Variants in AOX1 observed in about 807,000 individuals in gnomAD.
AOX1 encodes the protein aldehyde oxidase 1, also known as aldehyde oxidase.
In AOX1, 153 loss-of-function variants were observed where a neutral mutation model predicts 169.5. The observed-to-expected ratio is 0.90, with a 90% CI of 0.79 to 1.03. The LOEUF is 1.03. Among genes scored for constraint, AOX1 ranks in the 50% least tolerant of loss-of-function variants. The pLI, the probability that AOX1 is intolerant of heterozygous loss-of-function variation, is 0.00. For synonymous variants in AOX1, 562 were observed against 581.9 expected (o/e 0.97, Z 0.49); for missense variants, 1,656 against 1,663.9 (o/e 1.00, Z 0.08).
Position 200,604,716 on chromosome 2 carries a change from G to T in AOX1, c.690G>T (p.Ser230=), listed in dbSNP as rs61695335. The T allele has an allele frequency of 2.5e-6, 4 of 1,614,048 alleles. No individual in the cohort carries two copies. The highest frequency in any genetic ancestry group is 3.3e-4 in the Middle Eastern group (2 of 6,056). Residue 230 remains serine, a synonymous_variant, in exon 9 of 35, where the codon TCG becomes TCT. Coordinates refer to ENST00000374700, the MANE Select transcript of AOX1 (RefSeq NM_001159.4). ...AATAGATAATGGCTGAGAAACAGTC[G>T]CAAAGGACCAGGGTGTTTGGCAGTG... The part of the protein sequence containing the change: ...PELMIMAEKQ[S]QRTRVFGSER...
chr2:200,595,886 A>C (rs1276001836), intron 3 of AOX1, among the ~76,000 whole-genome samples: 1 of 152,182 alleles, frequency 6.6e-6, no homozygotes, highest in African/African-American at 2.4e-5. Flanking sequence ...ACCTGCTTTA[A>C]TTATCATCAG....
At chr2:200,593,300 T>G in intron 2 of AOX1, 97 bp downstream of exon 2, 1 of 973,486 alleles carries the variant, frequency 1.0e-6, no homozygotes, top group East Asian at 2.4e-5. Flanking sequence ...TTAGAGACAC[T>G]GAGACATATT....
Position 200,620,930 on chromosome 2 carries a change from A to G in AOX1, c.1874+111A>G, listed in dbSNP as rs1035603753. 3.0e-5 allele frequency: 40 copies of G among 1,340,074 alleles called. No individual in the cohort carries two copies. The African/African-American group carries it at 3.6e-4, about 12-fold the overall frequency. 83.0% of individuals were successfully genotyped at this position (1,340,074 alleles called of 1,614,324 possible). On this transcript the variant is annotated intron_variant, in intron 17 of 34. Coordinates refer to ENST00000374700, the MANE Select transcript of AOX1 (RefSeq NM_001159.4). ...ATAGGCTATTTGTTGGTGATATCCA[A>G]TGCAGACCAGAGGTGAAACAGGATC...
At chr2:200,663,572 A>ACACACACACT (rs1286010281) in intron 31 of AOX1, among the ~76,000 whole-genome samples, 36 of 105,146 alleles carry the variant, frequency 3.4e-4, no homozygotes, top group African/African-American at 1.3e-3. Context: ...ACACACACAC[A>ACACACACACT]CTCTCTCTCT....
chr2:200,659,128 C>G lies in AOX1; in HGVS notation c.3172-37C>G, dbSNP rs147149635. 3,397 of 1,606,926 alleles carry G rather than the reference C, an allele frequency of 2.1e-3. 7 individuals are homozygous for G. Among genetic ancestry groups the G allele is most frequent in the Non-Finnish European group, 2.5e-3 (2,887 of 1,176,130 alleles). The stretch of plus-strand genomic sequence containing the variant: ...GCATGTGCACAGGTCTGTGACTAAT[C>G]AAAGTGTTTAAAAGGAAACTCTCTC... On this transcript the variant is annotated intron_variant, in intron 27 of 34. Coordinates refer to ENST00000374700, the MANE Select transcript of AOX1 (RefSeq NM_001159.4).
rs773335513 is a variant in AOX1 at position 200,659,240 on chromosome 2, G to A, written c.3247G>A (p.Ala1083Thr). ...AACAAGCACAGAAACTGTCCCTAAT[G>A]CAAATATCTCTGGAGGTTCTGTGGT... Reference protein sequence around the residue: ...RGTSTETVPNANISGGSVVAD... With the variant: ...RGTSTETVPNTNISGGSVVAD... Residue 1083 changes from alanine (A) to threonine (T), a missense_variant, in exon 28 of 35, where the codon GCA (alanine) becomes ACA (threonine). Transcript: ENST00000374700. 5.6e-6 allele frequency: 9 copies of A among 1,613,978 alleles called. No homozygotes were observed. Among genetic ancestry groups the A allele is most frequent in the Non-Finnish European group, 7.6e-6 (9 of 1,179,900 alleles).
At chr2:200,677,709 G>T (rs2036119597), downstream of AOX1, among the ~76,000 whole-genome samples, 1 of 152,142 alleles carries the variant, frequency 6.6e-6, no homozygotes. Flanking sequence ...ACTTTGCTCC[G>T]AGTGCTTGAG....
intron 26 of AOX1, among the ~76,000 whole-genome samples, chr2:200,653,794 C>G (rs567981166): frequency 2.3e-4 from 35 of 152,364 alleles, no homozygotes; most frequent in African/African-American, 8.2e-4. Context: ...ATTTTTCCAA[C>G]AGTATGTGCT....
At chr2:200,607,817 G>A (rs1198910954) in intron 10 of AOX1, among the ~76,000 whole-genome samples, 2 of 152,172 alleles carry the variant, frequency 1.3e-5, no homozygotes, top group Non-Finnish European at 2.9e-5. Context: ...GTCCTTTGCA[G>A]GGACATGGAT....
chr2:200,648,422 C>G (rs1028732384), intron 25 of AOX1, among the ~76,000 whole-genome samples: 1 of 152,222 alleles, frequency 6.6e-6, no homozygotes, highest in Non-Finnish European at 1.5e-5. Flanking sequence ...GTTGTCTGCA[C>G]AGAGTCCTGT....
chr2:200,660,029 C>T lies in AOX1; in HGVS notation c.3335C>T (p.Pro1112Leu). 1 of 1,613,860 alleles carries T rather than the reference C, an allele frequency of 6.2e-7. No homozygotes were observed. The change falls in exon 29 of 35, where the codon CCC becomes CTC. Residue 1112 changes from proline (P) to leucine (L), a missense_variant. Coordinates refer to ENST00000374700, the MANE Select transcript of AOX1 (RefSeq NM_001159.4). ...CAAACTCTTCTAAAACGCCTCGAAC[C>T]CATCATCAGCAAGAATCCTAAAGGA... ...ACQTLLKRLEPIISKNPKGTW... is the reference protein window; with the variant it reads ...ACQTLLKRLELIISKNPKGTW...
chr2:200,586,886 A>T (rs1339192247), intron 1 of AOX1, among the ~76,000 whole-genome samples: 3 of 151,288 alleles, frequency 2.0e-5, no homozygotes, highest in Admixed American at 2.0e-4. Flanking sequence ...CCTTTAAAAC[A>T]CCCCCCTTAA....
chr2:200,609,615 T>C (rs2034591996), intron 12 of AOX1, among the ~76,000 whole-genome samples: 1 of 151,328 alleles, frequency 6.6e-6, no homozygotes, highest in Non-Finnish European at 1.5e-5. Context: ...TGGTTTTTTG[T>C]TTGTTTGTTT....
chr2:200,605,510 A>ATTTT, intron 9 of AOX1, 26 bp from the exon 10 acceptor site: 1 of 1,207,558 alleles, frequency 8.3e-7, no homozygotes, highest in South Asian at 1.7e-5. Context: ...AGTCTTATTG[A>ATTTT]TTTTTTTTTT....
chr2:200,668,110 A>T (rs183607821), intron 32 of AOX1, among the ~76,000 whole-genome samples: 6,092 of 141,042 alleles, frequency 0.043, 166 homozygotes, highest in African/African-American at 0.078. Context: ...TATTATTATT[A>T]TTTTTTTTTT....
rs377368396 is a variant in AOX1, at chr2:200,638,255, G to A, written c.2521G>A (p.Asp841Asn). 2 of 1,613,796 alleles carry A rather than the reference G, an allele frequency of 1.2e-6. No individual in the cohort carries two copies. The highest frequency in any genetic ancestry group is 2.2e-5 in the East Asian group (1 of 44,874). ...TCGCTGTGTTCTGGAACGAGGAGAAGACATGTTAATAACTGGAGGCCGCCA... is the reference window on the plus strand; with the variant it reads ...TCGCTGTGTTCTGGAACGAGGAGAAAACATGTTAATAACTGGAGGCCGCCA... ...AVRCVLERGE[D>N]MLITGGRHPY... The change falls in exon 23 of 35, where the codon GAC (aspartate) becomes AAC (asparagine). Residue 841 changes from aspartate (D) to asparagine (N), a missense_variant. Physicochemically the swap from Asp to Asn is conservative, Grantham distance 23. Coordinates refer to ENST00000374700, the MANE Select transcript of AOX1 (RefSeq NM_001159.4).
chr2:200,654,733 T>C (rs1231207543), intron 26 of AOX1, among the ~76,000 whole-genome samples: 3 of 152,208 alleles, frequency 2.0e-5, no homozygotes, highest in African/African-American at 4.8e-5. Flanking sequence ...TGTTTGAAGA[T>C]TTAAATTTCC....
chr2:200,613,592 G>C (rs2034690216), intron 14 of AOX1, among the ~76,000 whole-genome samples: 1 of 152,084 alleles, frequency 6.6e-6, no homozygotes, highest in African/African-American at 2.4e-5. Flanking sequence ...CTGTGAGTTG[G>C]GTTCTAATAT....
chr2:200,661,695 G>T (rs1359493305), intron 30 of AOX1, 64 bp downstream of exon 30: 8 of 1,354,938 alleles, frequency 5.9e-6, no homozygotes, highest in Non-Finnish European at 5.2e-6. Flanking sequence ...AAGAGTTTCA[G>T]TTCCCTTGCA....
Sources: allele counts gnomAD v4.1 joint callset (sites outside exome capture counted in the v4.1 genomes callset), GRCh38; gene constraint gnomAD v4.1.1; transcripts MANE v1.5; gene names NCBI Gene and HGNC (gene_info 2026-07-23, HGNC 2026-07-21).